CDH4: variants seen among roughly 807,000 people sequenced by gnomAD.
The protein encoded by CDH4 is cadherin 4.
CDH4 carries 33 observed loss-of-function variants against 86.0 expected under a neutral mutation model. The observed-to-expected ratio is 0.38, with a 90% CI of 0.29 to 0.51. The LOEUF is 0.51. Among genes scored for constraint, CDH4 ranks in the 20% least tolerant of loss-of-function variants. CDH4 has a pLI of 0.86. For missense variants in CDH4, 1,114 were observed against 1,307.4 expected (o/e 0.85, Z 2.28); for synonymous variants, 555 against 549.4 (o/e 1.01, Z -0.14).
chr20:61,858,981 T>C (rs1013452920), intron 6 of CDH4, among the ~76,000 whole-genome samples: 6 of 152,140 alleles, frequency 3.9e-5, no homozygotes, highest in Non-Finnish European at 8.8e-5. Context: ...TGTGGGGAAC[T>C]TCCATGTTCT....
At chr20:61,734,819 G>A (rs1033479911) in intron 2 of CDH4, among the ~76,000 whole-genome samples, 2 of 152,194 alleles carry the variant, frequency 1.3e-5, no homozygotes, top group African/African-American at 4.8e-5. Context: ...TGGACACAGC[G>A]CACACAAAGC....
chr20:61,774,612 G>C (rs1382384925), intron 4 of CDH4, among the ~76,000 whole-genome samples: 3 of 152,144 alleles, frequency 2.0e-5, no homozygotes, highest in Non-Finnish European at 2.9e-5. Flanking sequence ...TGCTGCCCCT[G>C]TCAACCCATC....
rs562765422 is a variant in CDH4, at chr20:61,910,626, C to G, written c.1374+19C>G. On this transcript the variant is annotated intron_variant, in intron 9 of 15. Transcript: ENST00000614565. ...GGTGAAGGTGCGTACTCTTCTCACA[C>G]CCTGCCAGGCACCCCAAGTTCTGCC... 1 of 1,604,714 alleles carries G rather than the reference C, an allele frequency of 6.2e-7. No individual in the cohort carries two copies. The highest frequency in any genetic ancestry group is 1.1e-5 in the South Asian group (1 of 90,940).
intron 2 of CDH4, among the ~76,000 whole-genome samples, chr20:61,291,363 G>A (rs112696954): frequency 1.2e-3 from 183 of 152,372 alleles, no homozygotes; most frequent in African/African-American, 4.1e-3. Context: ...AAGACTTGTG[G>A]AAAGAACGAG....
chr20:61,777,444 C>T (rs372325401), intron 4 of CDH4, among the ~76,000 whole-genome samples: 2 of 152,232 alleles, frequency 1.3e-5, no homozygotes, highest in African/African-American at 4.8e-5. Flanking sequence ...AGCTTCCATC[C>T]AAAGGAAGGC....
In CDH4 at chr20:61,681,185, C is replaced by G. The variant is rs1322746147; in HGVS notation, c.170-62378C>G. The stretch of plus-strand genomic sequence containing the variant: ...AACACCCGCCCTCACGTCCTAATGG[C>G]TTTTTTTCTCTTTCAGCCACACACA... On this transcript the variant is annotated intron_variant, in intron 2 of 15. Coordinates refer to ENST00000614565, the MANE Select transcript of CDH4 (RefSeq NM_001794.5). This position sits in a 1 kb window ranked among gnomAD's most constrained non-coding sequence, Gnocchi z 4.5. 1.3e-5 allele frequency among the ~76,000 whole-genome samples: 2 copies of G among 152,174 alleles called. No homozygotes were observed. Among genetic ancestry groups the G allele is most frequent in the African/African-American group, 4.8e-5 (2 of 41,436 alleles).
At chr20:61,738,007 C>T (rs1035428808) in intron 2 of CDH4, among the ~76,000 whole-genome samples, 3 of 152,156 alleles carry the variant, frequency 2.0e-5, no homozygotes, top group Non-Finnish European at 4.4e-5. Context: ...GTGCTGGGAC[C>T]CTGAGGTTCC....
chr20:61,917,472 G>A (rs1056827146), intron 9 of CDH4, among the ~76,000 whole-genome samples: 2 of 152,264 alleles, frequency 1.3e-5, no homozygotes, highest in East Asian at 1.9e-4. Flanking sequence ...AACAGAGCTG[G>A]CCTTCCTGTG....
At chr20:61,296,799 A>T (rs1810362949) in intron 2 of CDH4, among the ~76,000 whole-genome samples, 1 of 152,162 alleles carries the variant, frequency 6.6e-6, no homozygotes, top group African/African-American at 2.4e-5. Flanking sequence ...GTTTCAGGCC[A>T]CGGCAGCTGG....
chr20:61,630,746 T>C (rs2086879304), intron 2 of CDH4, among the ~76,000 whole-genome samples: 1 of 152,226 alleles, frequency 6.6e-6, no homozygotes, highest in African/African-American at 2.4e-5. Context: ...GTTCAGATCC[T>C]CCCTGATACC....
intron 2 of CDH4, among the ~76,000 whole-genome samples, chr20:61,661,885 A>T (rs528498062): frequency 6.6e-6 from 1 of 152,028 alleles, no homozygotes; most frequent in Non-Finnish European, 1.5e-5. Flanking sequence ...CATTCACTTG[A>T]TATTGTGCCG....
In CDH4 at chr20:61,377,503, A is replaced by G. The variant is rs1406704557; in HGVS notation, c.169+122566A>G. ...CCAAGACATCCCCATGTGCACTTGT[A>G]TAAAGAGGAGGCTGTGGTTACGGTG... On this transcript the variant is annotated intron_variant, in intron 2 of 15. Transcript: ENST00000614565. This position sits in a 1 kb window ranked among gnomAD's most constrained non-coding sequence, Gnocchi z 4.0. 6.6e-6 allele frequency among the ~76,000 whole-genome samples: 1 copy of G among 152,202 alleles called. No homozygotes were observed. The highest frequency in any genetic ancestry group is 1.5e-5 in the Non-Finnish European group (1 of 68,032).
intron 2 of CDH4, among the ~76,000 whole-genome samples, chr20:61,266,263 G>A (rs556370049): frequency 6.6e-6 from 1 of 151,970 alleles, no homozygotes; most frequent in Non-Finnish European, 1.5e-5. Flanking sequence ...TATGGAGTAT[G>A]ATTTAATGAA....
intron 2 of CDH4, among the ~76,000 whole-genome samples, chr20:61,380,442 T>C (rs112735673): frequency 0.011 from 1,715 of 152,200 alleles, 19 homozygotes; most frequent in Non-Finnish European, 0.019. Context: ...GACAGATAGA[T>C]GAGTGATCGG....
intron 2 of CDH4, among the ~76,000 whole-genome samples, chr20:61,477,719 C>G (rs1241802834): frequency 6.6e-6 from 1 of 152,212 alleles, no homozygotes; most frequent in Non-Finnish European, 1.5e-5. Context: ...CAGCCCATTG[C>G]TCATAAAAGA....
At chr20:61,316,605 A>G (rs1011504529) in intron 2 of CDH4, among the ~76,000 whole-genome samples, 1 of 152,222 alleles carries the variant, frequency 6.6e-6, no homozygotes, top group African/African-American at 2.4e-5. Context: ...GTTGCTTTTC[A>G]GCGCAATTAA....
chr20:61,858,197 CTG>C (rs1355630623), intron 6 of CDH4, among the ~76,000 whole-genome samples: 14 of 139,338 alleles, frequency 1.0e-4, no homozygotes, highest in African/African-American at 3.8e-4. Context: ...GTGTGTGTCT[CTG>C]TGTCTATATG....
intron 2 of CDH4, among the ~76,000 whole-genome samples, chr20:61,617,244 T>G (rs1163901922): frequency 6.6e-6 from 1 of 152,146 alleles, no homozygotes; most frequent in Non-Finnish European, 1.5e-5. Context: ...GTCTTTCCTC[T>G]TAGAAGCTAA....
intron 2 of CDH4, among the ~76,000 whole-genome samples, chr20:61,416,008 C>CT (rs200908333): frequency 4.4e-4 from 60 of 135,434 alleles, no homozygotes; most frequent in South Asian, 7.3e-4. Context: ...CCTCTCCTTC[C>CT]TTTTTTTTTT....
Sources: allele counts gnomAD v4.1 joint callset (sites outside exome capture counted in the v4.1 genomes callset), GRCh38; gene constraint gnomAD v4.1.1; non-coding constraint Gnocchi (gnomAD v3.1); transcripts MANE v1.5; gene names NCBI Gene and HGNC (gene_info 2026-07-23, HGNC 2026-07-21).